Variants in ZNF770 observed in about 807,000 individuals in gnomAD.
ZNF770 encodes zinc finger protein 770.
In ZNF770, 13 loss-of-function variants were observed where a neutral mutation model predicts 44.8. That is an observed-to-expected ratio of 0.29 (90% confidence interval 0.19 to 0.46). ZNF770 has a LOEUF of 0.46. Ranked by LOEUF, ZNF770 falls within the 20% of genes least tolerant of loss-of-function variation. The pLI, the probability that ZNF770 is intolerant of heterozygous loss-of-function variation, is 1.00. For missense variants in ZNF770, 681 were observed against 797.9 expected (o/e 0.85, Z 1.77); for synonymous variants, 304 against 271.8 (o/e 1.12, Z -1.17).
In ZNF770 at chr15:34,981,419, C is replaced by T. The variant is rs4923849; in HGVS notation, c.2016G>A (p.Gln672=). 507,475 of 1,613,480 alleles carry T rather than the reference C, an allele frequency of 0.31. 91,425 individuals are homozygous for T. Among genetic ancestry groups the T allele is most frequent in the African/African-American group, 0.81 (60,983 of 74,954 alleles). The change falls in exon 3 of 3, where the codon CAG becomes CAA. Residue 672 remains glutamine (Q), a synonymous_variant. Coordinates refer to ENST00000356321, the MANE Select transcript of ZNF770 (RefSeq NM_014106.4). ...FRQAPHWKRH[Q]LTHFKERPQG... ...GTGGTCGTTCTTTAAAGTGAGTAAG[C>T]TGATGTCTCTTCCAGTGAGGAGCCT...
Position 34,981,147 on chromosome 15 carries a change from C to T in ZNF770, c.*212G>A. The stretch of plus-strand genomic sequence containing the variant: ...TATTAAAATGCCTACTTTATAGCAT[C>T]AAATCATGTTCTTGCCTCTAAAATT... On this transcript the variant is annotated 3_prime_UTR_variant, in exon 3 of 3. Coordinates refer to ENST00000356321, the MANE Select transcript of ZNF770 (RefSeq NM_014106.4). 1 of 549,402 alleles carries T rather than the reference C, an allele frequency of 1.8e-6. No homozygotes were observed. Among genetic ancestry groups the T allele is most frequent in the African/African-American group, 1.9e-5 (1 of 52,392 alleles). The allele number at this position is 549,402 out of a possible 1,614,324, so 34.0% of individuals were successfully genotyped here. A position where few individuals can be genotyped will look rare whatever the true frequency, so the allele number is the denominator to read the frequency against.
Position 34,982,845 on chromosome 15 carries a change from A to G in ZNF770, c.590T>C (p.Phe197Ser). The G allele has an allele frequency of 6.2e-7, 1 of 1,613,886 alleles. No individual in the cohort carries two copies. The highest frequency in any genetic ancestry group is 8.5e-7 in the Non-Finnish European group (1 of 1,179,968). ...GATTTTTAAGTGAGTTGACTGTCGAAAAGATTTAGTACACAAGACACATTT... is the reference window on the plus strand; with the variant it reads ...GATTTTTAAGTGAGTTGACTGTCGAGAAGATTTAGTACACAAGACACATTT... The part of the protein sequence containing the change: ...PFKCVLCTKS[F>S]RQSTHLKIHQ... Residue 197 changes from phenylalanine (F) to serine (S), a missense_variant, in exon 3 of 3, where the codon TTT becomes TCT. Phe to Ser is a radical substitution (Grantham distance 155). Transcript: ENST00000356321.
At position 34,982,393 on chromosome 15, in the gene ZNF770, T is replaced by A. The variant is rs1248156050; in HGVS notation, c.1042A>T (p.Ser348Cys). ...KILAKLKRAR[S>C]KKLDNFQSEK... Reference sequence around the variant, plus strand: ...GATTGAAAGTTATCTAATTTTTTACTCCTAGCACGCTTAAGCTTGGCCAAG... The same window carrying A: ...GATTGAAAGTTATCTAATTTTTTACACCTAGCACGCTTAAGCTTGGCCAAG... Residue 348 changes from serine to cysteine, a missense_variant, in exon 3 of 3, where the codon AGT becomes TGT. Physicochemically the swap from Ser to Cys is moderately radical, Grantham distance 112 (BLOSUM62 -1). Coordinates refer to ENST00000356321, the MANE Select transcript of ZNF770 (RefSeq NM_014106.4). The A allele has an allele frequency of 6.2e-7, 1 of 1,612,110 alleles. No individual in the cohort carries two copies. The highest frequency in any genetic ancestry group is 2.2e-5 in the East Asian group (1 of 44,868).
chr15:34,979,731 A>T lies in ZNF770; in HGVS notation c.*1628T>A, dbSNP rs1259067108. The T allele has an allele frequency of 2.3e-6, 1 of 442,498 alleles. No homozygotes were observed. Among genetic ancestry groups the T allele is most frequent in the Admixed American group, 2.5e-5 (1 of 39,422 alleles). 27.4% of individuals were successfully genotyped at this position (442,498 alleles called of 1,614,324 possible). On this transcript the variant is annotated 3_prime_UTR_variant, in exon 3 of 3. Transcript: ENST00000356321. ...AACTTACAATTGTTCATTTATCCAC[A>T]TTCTCAATAGAGGATTTTCCACTAT...
Position 34,982,971 on chromosome 15 carries a change from C to G in ZNF770, c.464G>C (p.Arg155Thr), listed in dbSNP as rs754710948. The change falls in exon 3 of 3, where the codon AGA becomes ACA. Residue 155 changes from arginine (R) to threonine (T), a missense_variant. Physicochemically the swap from Arg to Thr is moderately conservative, Grantham distance 71. Around this residue, in one of 5 missense-constraint regions of ZNF770, gnomAD observed 432 missense variants for 434.1 expected, o/e 1.00. Transcript: ENST00000356321. ...SKSDPMYSMK[R>T]RKNIHACTIC... The stretch of plus-strand genomic sequence containing the variant: ...TGTACATGCATGAATATTCTTTCTT[C>G]TTTTCATGCTATACATGGGATCAGA... 1.1e-5 allele frequency: 18 copies of G among 1,613,996 alleles called. No individual in the cohort carries two copies. Among genetic ancestry groups the G allele is most frequent in the South Asian group, 1.1e-5 (1 of 91,064 alleles).
chr15:34,987,019 C>T (rs554094604), intron 2 of ZNF770, among the ~76,000 whole-genome samples: 1 of 152,362 alleles, frequency 6.6e-6, no homozygotes, highest in Admixed American at 6.5e-5. Context: ...TGTCCAATGT[C>T]AGGACTGAAT....
rs1173140302 is a variant in ZNF770, at chr15:34,982,926, G to A, written c.509C>T (p.Pro170Leu). 1.9e-6 allele frequency: 3 copies of A among 1,613,974 alleles called. No homozygotes were observed. The highest frequency in any genetic ancestry group is 1.7e-5 in the Admixed American group (1 of 60,020). Reference protein sequence around the residue: ...HACTICGKMFPSQSKLDRHVL... With the variant: ...HACTICGKMFLSQSKLDRHVL... ...ATGCCTATCAAGTTTTGACTGTGAT[G>A]GAAACATCTTGCCACAGATTGTACA... Residue 170 changes from proline to leucine, a missense_variant, in exon 3 of 3, where the codon CCA becomes CTA. Physicochemically the swap from Pro to Leu is moderately conservative, Grantham distance 98. Around this residue, in one of 5 missense-constraint regions of ZNF770, gnomAD observed 432 missense variants for 434.1 expected, o/e 1.00. Coordinates refer to ENST00000356321, the MANE Select transcript of ZNF770 (RefSeq NM_014106.4).
chr15:34,985,661 G>A (rs1432015598), intron 2 of ZNF770, among the ~76,000 whole-genome samples: 2 of 152,138 alleles, frequency 1.3e-5, no homozygotes, highest in African/African-American at 2.4e-5. Flanking sequence ...TTGTGAGGCC[G>A]AGGCAGGGGA....
Position 34,982,706 on chromosome 15 carries a change from A to C in ZNF770, c.729T>G (p.Ala243=). Reference sequence around the variant, plus strand: ...TCTTCTTTAATAAAAGAGCCCGAAAAGCCTTATTCCTAGTATGGATTTGTT... The same window carrying C: ...TCTTCTTTAATAAAAGAGCCCGAAACGCCTTATTCCTAGTATGGATTTGTT... The part of the protein sequence containing the change: ...KHKQIHTRNK[A]FRALLLKKRR... The change falls in exon 3 of 3, where the codon GCT becomes GCG. Residue 243 remains alanine, a synonymous_variant. Transcript: ENST00000356321. The C allele has an allele frequency of 6.2e-7, 1 of 1,612,954 alleles. No homozygotes were observed. Among genetic ancestry groups the C allele is most frequent in the Non-Finnish European group, 8.5e-7 (1 of 1,179,876 alleles).
Position 34,979,683 on chromosome 15 carries a change from A to G in ZNF770, c.*1676T>C, listed in dbSNP as rs1414276229. On this transcript the variant is annotated 3_prime_UTR_variant, in exon 3 of 3. Transcript: ENST00000356321. The stretch of plus-strand genomic sequence containing the variant: ...CCTCCCGCCTCCCCCCTGTCAAAAG[A>G]AAGTTCTCAGTTTATGATGCAAAAC... 8.9e-6 allele frequency: 4 copies of G among 448,212 alleles called. No individual in the cohort carries two copies. The highest frequency in any genetic ancestry group is 2.5e-5 in the Admixed American group (1 of 40,696). 27.8% of individuals were successfully genotyped at this position (448,212 alleles called of 1,614,324 possible). A position where few individuals can be genotyped will look rare whatever the true frequency, so the allele number is the denominator to read the frequency against.
In ZNF770 at chr15:34,983,234, T is replaced by C. The variant is rs750423375; in HGVS notation, c.201A>G (p.Leu67=). ...TTAGTTGATGCCTCTCCAGATGAAC[T>C]AGTTGTCTAAAGGTTTTATGACACA... is the stretch of plus-strand genomic sequence containing the variant. The part of the protein sequence containing the change: ...CDVCHKTFRQ[L]VHLERHQLTH... Residue 67 remains leucine (L), a synonymous_variant, in exon 3 of 3, where the codon CTA becomes CTG. Transcript: ENST00000356321. 1.2e-6 allele frequency: 2 copies of C among 1,613,102 alleles called. No individual in the cohort carries two copies. Among genetic ancestry groups the C allele is most frequent in the South Asian group, 1.1e-5 (1 of 91,020 alleles).
rs763406106 is a variant in ZNF770, at chr15:34,983,128, G to A, written c.307C>T (p.His103Tyr). The A allele has an allele frequency of 1.9e-6, 3 of 1,613,910 alleles. No homozygotes were observed. The African/African-American group carries it at 4.0e-5, about 22-fold the overall frequency. Residue 103 changes from histidine to tyrosine, a missense_variant, in exon 3 of 3, where the codon CAC becomes TAC. By Grantham distance (83) the His-to-Tyr change is moderately conservative. Around this residue, in one of 5 missense-constraint regions of ZNF770, gnomAD observed 432 missense variants for 434.1 expected, o/e 1.00. Transcript: ENST00000356321. ...LKTFVKHQQL[H>Y]NETYQNNVKQ... is the part of the protein sequence containing the mutation. Reference sequence around the variant, plus strand: ...ACATTATTCTGATAGGTTTCATTGTGAAGTTGTTGGTGCTTCACAAATGTC... The same window carrying A: ...ACATTATTCTGATAGGTTTCATTGTAAAGTTGTTGGTGCTTCACAAATGTC...
chr15:34,985,299 T>A (rs2050427038), intron 2 of ZNF770, among the ~76,000 whole-genome samples: 1 of 152,142 alleles, frequency 6.6e-6, no homozygotes, highest in South Asian at 2.1e-4. Context: ...CTGTGCTAGC[T>A]CTTTCAATAT....
At chr15:34,985,125 G>T (rs1003165945) in intron 2 of ZNF770, among the ~76,000 whole-genome samples, 4 of 121,240 alleles carry the variant, frequency 3.3e-5, no homozygotes, top group African/African-American at 1.5e-4. Context: ...CAGAGCGAGA[G>T]ACTGTCTCAA....
chr15:34,981,569 G>A lies in ZNF770; in HGVS notation c.1866C>T (p.Val622=). The A allele has an allele frequency of 3.1e-6, 5 of 1,614,174 alleles. No homozygotes were observed. Among genetic ancestry groups the A allele is most frequent in the Non-Finnish European group, 4.2e-6 (5 of 1,180,030 alleles). ...SYSEHQEKND[V]FLYRCSVCAK... is the part of the protein sequence containing the mutation. ...CACAAACACTGCATCGGTACAGGAA[G>A]ACATCATTTTTCTCCTGATGCTCTG... The change falls in exon 3 of 3, where the codon GTC becomes GTT. Residue 622 remains valine, a synonymous_variant. Coordinates refer to ENST00000356321, the MANE Select transcript of ZNF770 (RefSeq NM_014106.4).
rs1308216532 is a variant in ZNF770 at position 34,981,621 on chromosome 15, T to C, written c.1814A>G (p.Glu605Gly). Residue 605 changes from glutamate to glycine, a missense_variant, in exon 3 of 3, where the codon GAG becomes GGG. Transcript: ENST00000356321. Reference protein sequence around the residue: ...PCLPNVLLESEQSNPFCSYSE... With the variant: ...PCLPNVLLESGQSNPFCSYSE... ...ATAACTGCAAAAAGGATTGCTTTGCTCTGATTCCAAAAGTACATTAGGAAG... is the reference window on the plus strand; with the variant it reads ...ATAACTGCAAAAAGGATTGCTTTGCCCTGATTCCAAAAGTACATTAGGAAG... 3.7e-6 allele frequency: 6 copies of C among 1,614,170 alleles called. No individual in the cohort carries two copies. In the African/African-American group the frequency reaches 8.0e-5, roughly 22 times the overall value.
chr15:34,987,700 T>C (rs964499168), intron 1 of ZNF770, 27 bp from the exon 2 acceptor site: 4 of 152,234 alleles, frequency 2.6e-5, no homozygotes, highest in African/African-American at 9.7e-5. Flanking sequence ...CAACTTTCAG[T>C]TGGGGAATAA....
Position 34,978,897 on chromosome 15 carries a change from A to T in ZNF770, c.*2462T>A, listed in dbSNP as rs534496529. The stretch of plus-strand genomic sequence containing the variant: ...ATCCGCCTGTATACTTTATCCCTAG[A>T]CTAATACCTAATGCAATGTAAATGC... On this transcript the variant is annotated 3_prime_UTR_variant, in exon 3 of 3. Transcript: ENST00000356321. The T allele has an allele frequency of 3.9e-5, 6 of 152,306 alleles. No homozygotes were observed. The highest frequency in any genetic ancestry group is 6.5e-5 in the Admixed American group (1 of 15,298). The allele number at this position is 152,306 out of a possible 1,614,324, so 9.4% of individuals were successfully genotyped here. A position where few individuals can be genotyped will look rare whatever the true frequency, so the allele number is the denominator to read the frequency against.
chr15:34,982,586 T>C lies in ZNF770; in HGVS notation c.849A>G (p.Pro283=), dbSNP rs776772149. ...GEIGESEENN[P]LDVHSIYIVP... is the part of the protein sequence containing the mutation. ...CAATATAAATTGAGTGGACATCAAG[T>C]GGATTATTCTCCTCAGATTCACCAA... The change falls in exon 3 of 3, where the codon CCA becomes CCG. Residue 283 remains proline (P), a synonymous_variant. Coordinates refer to ENST00000356321, the MANE Select transcript of ZNF770 (RefSeq NM_014106.4). 1 of 1,613,746 alleles carries C rather than the reference T, an allele frequency of 6.2e-7. No homozygotes were observed. The highest frequency in any genetic ancestry group is 1.1e-5 in the South Asian group (1 of 91,062).
Sources: allele counts gnomAD v4.1 joint callset (sites outside exome capture counted in the v4.1 genomes callset), GRCh38; gene constraint gnomAD v4.1.1; regional missense constraint gnomAD v4.1.1; transcripts MANE v1.5; gene names NCBI Gene and HGNC (gene_info 2026-07-23, HGNC 2026-07-21).